Variants in PDE4B observed in about 807,000 individuals in gnomAD.
The protein encoded by PDE4B is 3',5'-cyclic-AMP phosphodiesterase 4B.
A neutral mutation model predicts 82.2 loss-of-function variants in PDE4B; 20 were observed. That is an observed-to-expected ratio of 0.24 (90% CI 0.17 to 0.35). The LOEUF is 0.35. PDE4B is among the 10% of genes least tolerant of loss of function. The pLI, the probability that PDE4B is intolerant of heterozygous loss-of-function variation, is 1.00. For missense variants in PDE4B, 655 were observed against 907.2 expected, an observed-to-expected ratio of 0.72 and a Z score of 3.57; for synonymous variants, 320 against 318.9, an observed-to-expected ratio of 1.00 and a Z score of -0.04.
intron 1 of PDE4B, among the ~76,000 whole-genome samples, chr1:65,814,896 T>C (rs1001337922): frequency 6.6e-6 from 1 of 151,986 alleles, no homozygotes; most frequent in African/African-American, 2.4e-5. Context: ...TTTTTATTTG[T>C]CTTGAGTAAA....
intron 1 of PDE4B, among the ~76,000 whole-genome samples, chr1:65,903,180 C>G (rs1202845144): frequency 6.6e-6 from 1 of 152,102 alleles, no homozygotes; most frequent in East Asian, 1.9e-4. Flanking sequence ...TAAAATCTTA[C>G]ACAGAGTTCC....
At chr1:65,804,840 C>T (rs17097207) in intron 1 of PDE4B, among the ~76,000 whole-genome samples, 2,332 of 152,074 alleles carry the variant, frequency 0.015, 59 homozygotes, top group African/African-American at 0.054. Context: ...TTCTTGTAGT[C>T]ACCCAGGGAC....
intron 3 of PDE4B, among the ~76,000 whole-genome samples, chr1:66,123,620 G>T (rs1645758338): frequency 7.0e-6 from 1 of 143,348 alleles, no homozygotes; most frequent in Non-Finnish European, 1.5e-5. Context: ...TTCTGCTTCT[G>T]TTAAGCTGGC....
intron 3 of PDE4B, among the ~76,000 whole-genome samples, chr1:65,993,461 T>C (rs1298479349): frequency 1.3e-5 from 2 of 152,222 alleles, no homozygotes; most frequent in Non-Finnish European, 2.9e-5. Flanking sequence ...GTTTCATATC[T>C]GTTGAGGTGG....
chr1:66,128,101 T>C (rs1324667103), intron 3 of PDE4B, among the ~76,000 whole-genome samples: 1 of 152,210 alleles, frequency 6.6e-6, no homozygotes, highest in Non-Finnish European at 1.5e-5. Flanking sequence ...AATCCCACTA[T>C]TTTAACATAG....
chr1:65,825,750 CT>C (rs1308323008), intron 1 of PDE4B, among the ~76,000 whole-genome samples: 5 of 151,678 alleles, frequency 3.3e-5, no homozygotes, highest in African/African-American at 9.7e-5. Context: ...ATCTATCTAT[CT>C]ATCTATCTCA....
Position 66,372,829 on chromosome 1 carries a change from A to G in PDE4B, c.*151A>G. On this transcript the variant is annotated 3_prime_UTR_variant, in exon 17 of 17. Transcript: ENST00000341517. ...GAGTTTGGAGTCAGAAAGCAAGACC[A>G]GGAAGCAAATAGCAGCTCAGGAAAT... The G allele has an allele frequency of 1.4e-6, 1 of 713,202 alleles. No homozygotes were observed. The highest frequency in any genetic ancestry group is 2.3e-6 in the Non-Finnish European group (1 of 441,332). 44.2% of individuals were successfully genotyped at this position (713,202 alleles called of 1,614,324 possible). A position where few individuals can be genotyped will look rare whatever the true frequency, so the allele number is the denominator to read the frequency against.
chr1:66,196,659 G>C (rs1648322234), intron 3 of PDE4B, among the ~76,000 whole-genome samples: 1 of 152,070 alleles, frequency 6.6e-6, no homozygotes, highest in Non-Finnish European at 1.5e-5. Flanking sequence ...GTCCTTTGTA[G>C]GGACATGGAT....
intron 3 of PDE4B, among the ~76,000 whole-genome samples, chr1:66,218,850 A>G (rs1211116750): frequency 6.6e-6 from 1 of 152,174 alleles, no homozygotes; most frequent in Non-Finnish European, 1.5e-5. Context: ...GGTTGCATCC[A>G]GCTACAGATG....
chr1:66,306,255 T>C (rs571798590), intron 7 of PDE4B, among the ~76,000 whole-genome samples: 3 of 152,270 alleles, frequency 2.0e-5, no homozygotes, highest in African/African-American at 7.2e-5. Context: ...CTTTATTTGA[T>C]ACCTTTGAAA....
chr1:65,808,169 CTTTTT>C (rs920861530), intron 1 of PDE4B, among the ~76,000 whole-genome samples: 2 of 128,990 alleles, frequency 1.6e-5, no homozygotes, highest in African/African-American at 2.8e-5. Flanking sequence ...TAGACAAACA[CTTTTT>C]TTTTTTTTTT....
At chr1:66,086,704 T>C (rs1657024866) in intron 3 of PDE4B, among the ~76,000 whole-genome samples, 1 of 152,174 alleles carries the variant, frequency 6.6e-6, no homozygotes, top group Admixed American at 6.6e-5. Context: ...CACCATTAGT[T>C]CCTTCCAATT....
Position 65,971,751 on chromosome 1 carries a change from T to G in PDE4B, c.281+52916T>G, listed in dbSNP as rs372173875. On this transcript the variant is annotated intron_variant, in intron 3 of 16. Coordinates refer to ENST00000341517, the MANE Select transcript of PDE4B (RefSeq NM_002600.4). ...TGAGCTGTTTTTGAGAAATCGAGAA[T>G]GTAAATGAGGGAGAATGATTCATGC... 1.6e-4 allele frequency among the ~76,000 whole-genome samples: 25 copies of G among 152,268 alleles called. 1 individual carries two copies. In the East Asian group the frequency reaches 2.9e-3, roughly 18 times the overall value.
intron 7 of PDE4B, among the ~76,000 whole-genome samples, chr1:66,303,829 G>A (rs988666616): frequency 1.3e-5 from 2 of 152,094 alleles, no homozygotes; most frequent in Non-Finnish European, 2.9e-5. Context: ...TATGTGTCTG[G>A]TATTATTGCT....
At position 66,058,918 on chromosome 1, in the gene PDE4B, A is replaced by G. The variant is rs375623263; in HGVS notation, c.281+140083A>G. The stretch of plus-strand genomic sequence containing the variant: ...TACACAAATTTTTGTAGCTGGCTTG[A>G]ATTTCTCCTCAGAATATGGGATTTT... On this transcript the variant is annotated intron_variant, in intron 3 of 16. Coordinates refer to ENST00000341517, the MANE Select transcript of PDE4B (RefSeq NM_002600.4). Among the ~76,000 whole-genome samples, 17 of 152,346 alleles carry G rather than the reference A, an allele frequency of 1.1e-4. No individual in the cohort carries two copies. The East Asian group carries it at 2.3e-3, about 21-fold the overall frequency.
chr1:66,133,383 A>T (rs1171018785), intron 3 of PDE4B, among the ~76,000 whole-genome samples: 1 of 152,238 alleles, frequency 6.6e-6, no homozygotes, highest in Non-Finnish European at 1.5e-5. Context: ...CTCATTTCAC[A>T]AACTTGGGAA....
chr1:66,220,957 G>A (rs1205557932), intron 3 of PDE4B, among the ~76,000 whole-genome samples: 1 of 152,106 alleles, frequency 6.6e-6, no homozygotes, highest in Non-Finnish European at 1.5e-5. Context: ...AGTAGCAGTA[G>A]CAATAACAAT....
chr1:66,367,710 T>C lies in PDE4B; in HGVS notation c.1399T>C (p.Leu467=). ...TGATTTATTAGATTCAGAACTTGCT[T>C]TGATGTATAATGATGAATCTGTGTT... ...FLINTNSELA[L]MYNDESVLEN... is the part of the protein sequence containing the mutation. Residue 467 remains leucine (L), a synonymous_variant, in exon 14 of 17, where the codon TTG becomes CTG. Coordinates refer to ENST00000341517, the MANE Select transcript of PDE4B (RefSeq NM_002600.4). The C allele has an allele frequency of 6.2e-7, 1 of 1,610,996 alleles. No homozygotes were observed.
chr1:66,213,514 C>A (rs1187084700), intron 3 of PDE4B, among the ~76,000 whole-genome samples: 2 of 152,138 alleles, frequency 1.3e-5, no homozygotes, highest in African/African-American at 4.8e-5. Context: ...ATCACTTTTA[C>A]TGCAAAATCG....
Sources: allele counts gnomAD v4.1 joint callset (sites outside exome capture counted in the v4.1 genomes callset), GRCh38; gene constraint gnomAD v4.1.1; transcripts MANE v1.5; gene names NCBI Gene and HGNC (gene_info 2026-07-23, HGNC 2026-07-21).